Variants in LRMDA observed in about 807,000 individuals in gnomAD.
LRMDA encodes leucine-rich melanocyte differentiation-associated protein.
In LRMDA, 18 loss-of-function variants were observed where a neutral mutation model predicts 29.8. The ratio of observed to expected loss-of-function variants is 0.60; its 90% CI spans 0.42 to 0.90. LRMDA has a LOEUF of 0.90. LRMDA is among the 40% of genes least tolerant of loss of function. The pLI is 0.00. For missense variants in LRMDA, 273 were observed against 273.9 expected (o/e 1.00, Z 0.02); for synonymous variants, 125 against 109.4 (o/e 1.14, Z -0.89).
intron 2 of LRMDA, among the ~76,000 whole-genome samples, chr10:75,692,014 G>A (rs1195494050): frequency 6.6e-6 from 1 of 151,750 alleles, no homozygotes; most frequent in Non-Finnish European, 1.5e-5. Context: ...ACAGGCTTAG[G>A]GAACAAAGTG....
intron 6 of LRMDA, among the ~76,000 whole-genome samples, chr10:76,415,215 T>G (rs776286913): frequency 2.0e-5 from 3 of 152,208 alleles, no homozygotes; most frequent in Non-Finnish European, 4.4e-5. Context: ...CTGCTCCTTT[T>G]TGGACTTCCT....
At chr10:76,284,732 A>G (rs559183788) in intron 5 of LRMDA, among the ~76,000 whole-genome samples, 11 of 152,254 alleles carry the variant, frequency 7.2e-5, no homozygotes, top group African/African-American at 2.6e-4. Flanking sequence ...GTGTTGTGGT[A>G]GGGACCCAGC....
rs191486644 is a variant in LRMDA, at chr10:76,427,109, A to T, written c.601+102624A>T. On this transcript the variant is annotated intron_variant, in intron 6 of 6. Transcript: ENST00000611255. ...CGGACTCTTTTTTGGTTCCATATGA[A>T]CTTTAAAGTAGTTTTTTCCAATTCT... Among the ~76,000 whole-genome samples the T allele has an allele frequency of 4.2e-4, 64 of 152,178 alleles. 1 individual carries two copies. In the South Asian group the frequency reaches 4.4e-3, roughly 10 times the overall value.
chr10:75,909,594 G>A (rs1845812706), intron 2 of LRMDA, among the ~76,000 whole-genome samples: 1 of 152,146 alleles, frequency 6.6e-6, no homozygotes, highest in African/African-American at 2.4e-5. Flanking sequence ...TGGAAGTTGA[G>A]CTGGTGGTAG....
chr10:76,260,928 A>G (rs1839933196), intron 5 of LRMDA: 2 of 152,294 alleles, frequency 1.3e-5, no homozygotes, highest in African/African-American at 2.4e-5. Context: ...TTTTGATAAG[A>G]TGGCCAATAT....
chr10:75,829,743 A>G (rs1844306914), intron 2 of LRMDA, among the ~76,000 whole-genome samples: 2 of 151,324 alleles, frequency 1.3e-5, no homozygotes, highest in Non-Finnish European at 2.9e-5. Context: ...ATACTGTCTT[A>G]TGGCAAATTT....
intron 5 of LRMDA, among the ~76,000 whole-genome samples, chr10:76,261,484 TA>T (rs371742506): frequency 7.5e-4 from 112 of 149,360 alleles, no homozygotes; most frequent in South Asian, 2.5e-3. Context: ...GCACTGGTTC[TA>T]AAAAAAAAAT....
intron 2 of LRMDA, among the ~76,000 whole-genome samples, chr10:76,016,094 C>T (rs894077625): frequency 3.9e-5 from 6 of 152,174 alleles, no homozygotes; most frequent in Non-Finnish European, 7.3e-5. Flanking sequence ...AATTTCCACA[C>T]GTCGACATCT....
chr10:76,123,487 C>T (rs1384976710), intron 5 of LRMDA, among the ~76,000 whole-genome samples: 1 of 152,104 alleles, frequency 6.6e-6, no homozygotes, highest in Non-Finnish European at 1.5e-5. Flanking sequence ...CCAGCCTGGG[C>T]AACACAGTGA....
At chr10:75,535,777 C>G (rs549669092) in intron 2 of LRMDA, among the ~76,000 whole-genome samples, 1 of 152,282 alleles carries the variant, frequency 6.6e-6, no homozygotes, top group Admixed American at 6.5e-5. Flanking sequence ...ACAACTGGAA[C>G]TGCTCTGCCT....
At chr10:76,316,199 G>T (rs1840696026) in intron 5 of LRMDA, among the ~76,000 whole-genome samples, 1 of 152,204 alleles carries the variant, frequency 6.6e-6, no homozygotes, top group African/African-American at 2.4e-5. Context: ...CCAAGTCAGG[G>T]CTGTGACGCC....
intron 6 of LRMDA, among the ~76,000 whole-genome samples, chr10:76,493,292 C>A (rs1470818443): frequency 2.0e-5 from 3 of 151,984 alleles, no homozygotes; most frequent in Non-Finnish European, 4.4e-5. Context: ...TACCACAGGC[C>A]CATGAGGAGT....
chr10:75,988,208 C>A (rs1847295900), intron 2 of LRMDA, among the ~76,000 whole-genome samples: 1 of 152,074 alleles, frequency 6.6e-6, no homozygotes, highest in African/African-American at 2.4e-5. Flanking sequence ...AATAAAGAGA[C>A]AGATCCCAGG....
chr10:75,534,349 G>A (rs756233233), intron 2 of LRMDA, among the ~76,000 whole-genome samples: 1 of 152,274 alleles, frequency 6.6e-6, no homozygotes, highest in East Asian at 1.9e-4. Context: ...CTGTCATGTG[G>A]TGTACTTTAA....
chr10:75,805,746 A>G (rs959903634), intron 2 of LRMDA, among the ~76,000 whole-genome samples: 3 of 152,164 alleles, frequency 2.0e-5, no homozygotes, highest in African/African-American at 7.2e-5. Context: ...TTTGGGGTTC[A>G]GTTTTTCCCC....
At chr10:75,468,687 G>A (rs1233724465) in intron 2 of LRMDA, among the ~76,000 whole-genome samples, 1 of 152,108 alleles carries the variant, frequency 6.6e-6, no homozygotes, top group Non-Finnish European at 1.5e-5. Context: ...TTTGCGGGGG[G>A]CTGTCGGGCA....
rs146661784 is a variant in LRMDA, at chr10:76,382,128, C to T, written c.601+57643C>T. Reference sequence around the variant, plus strand: ...CCTGGGCTAAGATTTTAGTTAATACCGTACTACTTCTGGGTAGAGACTCTA... The same window carrying T: ...CCTGGGCTAAGATTTTAGTTAATACTGTACTACTTCTGGGTAGAGACTCTA... On this transcript the variant is annotated intron_variant, in intron 6 of 6. Coordinates refer to ENST00000611255, the MANE Select transcript of LRMDA (RefSeq NM_001305581.2). Among the ~76,000 whole-genome samples the T allele has an allele frequency of 2.9e-3, 448 of 152,162 alleles. 3 individuals are homozygous for T. The highest frequency in any genetic ancestry group is 0.01 in the African/African-American group (420 of 41,508).
rs562044983 is a variant in LRMDA at position 76,440,390 on chromosome 10, G to A, written c.601+115905G>A. ...GGTTCAGGGTGGGTAAAATATTGAG[G>A]GTATTACTTCTCACCCCAAAATGGC... is the stretch of plus-strand genomic sequence containing the variant. On this transcript the variant is annotated intron_variant, in intron 6 of 6. Transcript: ENST00000611255. Among the ~76,000 whole-genome samples the A allele has an allele frequency of 4.1e-4, 63 of 152,078 alleles. 1 individual carries two copies. In the South Asian group the frequency reaches 8.1e-3, roughly 20 times the overall value.
intron 2 of LRMDA, among the ~76,000 whole-genome samples, chr10:75,477,155 AT>A (rs1485747258): frequency 6.6e-6 from 1 of 151,882 alleles, no homozygotes; most frequent in Non-Finnish European, 1.5e-5. Context: ...CACCTAGCTA[AT>A]TTTTTTAGAG....
Sources: gnomAD v4.1 joint callset for allele counts (sites outside exome capture counted in the v4.1 genomes callset) on GRCh38, gnomAD v4.1.1 for gene constraint, MANE v1.5 for transcripts, NCBI Gene and HGNC (gene_info 2026-07-23, HGNC 2026-07-21) for gene names.